The following PLEKHG5 variants were observed in gnomAD, a reference collection of about 807,000 sequenced individuals.
The protein encoded by PLEKHG5 is pleckstrin homology and RhoGEF domain containing G5.
In PLEKHG5, 52 loss-of-function variants were observed where a neutral mutation model predicts 103.8. That is an observed-to-expected ratio of 0.50 (90% CI 0.40 to 0.63). The LOEUF is 0.63. PLEKHG5 is among the 30% of genes least tolerant of loss of function. The probability of loss-of-function intolerance (pLI) is 0.00; values close to 1 mark genes in which losing one functional copy is unlikely to be tolerated. For synonymous variants in PLEKHG5, 592 were observed against 575.5 expected, an observed-to-expected ratio of 1.03 and a Z score of -0.41; for missense variants, 1,205 against 1,347.6, an observed-to-expected ratio of 0.89 and a Z score of 1.66.
chr1:6,471,668 G>GC (rs773924380), intron 11 of PLEKHG5, 31 bp from the exon 12 acceptor site: 1 of 1,567,934 alleles, frequency 6.4e-7, no homozygotes, highest in African/African-American at 1.4e-5. Flanking sequence ...GGTTGGCCAC[G>GC]CCCCTCCGCC....
chr1:6,508,808 A>G (rs1319295895), intron 1 of PLEKHG5, among the ~76,000 whole-genome samples: 8 of 152,296 alleles, frequency 5.3e-5, no homozygotes, highest in South Asian at 4.2e-4. Flanking sequence ...TTCATCCCCA[A>G]TAGCAGGTGC....
intron 16 of PLEKHG5, among the ~76,000 whole-genome samples, chr1:6,469,973 G>T (rs1437814728): frequency 6.6e-6 from 1 of 152,200 alleles, no homozygotes; most frequent in Non-Finnish European, 1.5e-5. Context: ...AGGCTCTGGG[G>T]TTCCTGGCCC....
exon 1 of PLEKHG5, chr1:6,520,005 A>G (rs1638728725): frequency 4.6e-6 from 1 of 215,066 alleles, no homozygotes; most frequent in Non-Finnish European, 9.4e-6. Context: ...GGAAGGCCTT[A>G]GTTTGGTGGC....
At position 6,511,796 on chromosome 1, in the gene PLEKHG5, A is replaced by G. The variant is rs550990667; in HGVS notation, c.-165+7649T>C. ...CCAGAGAGGCTGCCCCCAGCACTGC[A>G]GAGAGTGAGTGTGTGACTGCCACTA... On this transcript the variant is annotated intron_variant, in intron 1 of 21. Transcript: ENST00000377740. Among the ~76,000 whole-genome samples the G allele has an allele frequency of 7.7e-4, 118 of 152,324 alleles. 1 individual carries two copies. Among genetic ancestry groups the G allele is most frequent in the African/African-American group, 2.8e-3 (117 of 41,586 alleles).
chr1:6,499,325 G>T (rs1197018044), upstream of PLEKHG5, among the ~76,000 whole-genome samples: 1 of 152,174 alleles, frequency 6.6e-6, no homozygotes, highest in African/African-American at 2.4e-5. Flanking sequence ...TGCCACTTGG[G>T]TTCTGGAATT....
At position 6,469,396 on chromosome 1, in the gene PLEKHG5, G is replaced by A. The variant is rs397515456; in HGVS notation, c.1988C>T (p.Thr663Met). 9.9e-6 allele frequency: 16 copies of A among 1,614,036 alleles called. No individual in the cohort carries two copies. In the East Asian group the frequency reaches 2.7e-4, roughly 27 times the overall value. ...NEFHSAVGAY[T>M]FQASGQALCR... ...CAAGGCCTGGCCACTGGCCTGGAACGTGTAGGCCCCTACAGCACTGTGAAA... is the reference window on the plus strand; with the variant it reads ...CAAGGCCTGGCCACTGGCCTGGAACATGTAGGCCCCTACAGCACTGTGAAA... The change falls in exon 18 of 21, where the codon ACG (threonine) becomes ATG (methionine). Residue 663 changes from threonine to methionine, a missense_variant. Physicochemically the swap from Thr to Met is moderately conservative, Grantham distance 81. Transcript: ENST00000377728.
intron 20 of PLEKHG5, 38 bp downstream of exon 20, chr1:6,467,787 C>A (rs1339068977): frequency 1.2e-6 from 2 of 1,609,962 alleles, no homozygotes; most frequent in Non-Finnish European, 1.7e-6. Flanking sequence ...ATGCCAGTGC[C>A]CTGAGCCACC....
intron 1 of PLEKHG5, among the ~76,000 whole-genome samples, chr1:6,507,381 G>A (rs1054888823): frequency 6.6e-6 from 1 of 152,164 alleles, no homozygotes; most frequent in Non-Finnish European, 1.5e-5. Flanking sequence ...GTGATCAGAG[G>A]GCCATGGGGC....
At chr1:6,474,342 G>C (rs1011924941) in intron 6 of PLEKHG5, 109 bp downstream of exon 6, 1 of 1,409,188 alleles carries the variant, frequency 7.1e-7, no homozygotes, top group Non-Finnish European at 9.8e-7. Context: ...GTATGGTAAT[G>C]AGGCTGCTCA....
At position 6,469,693 on chromosome 1, in the gene PLEKHG5, G is replaced by C. The variant is rs373357833; in HGVS notation, c.1801-17C>G. On this transcript the variant is annotated splice_polypyrimidine_tract_variant and intron_variant, in intron 16 of 20. Coordinates refer to ENST00000377728, the MANE Select transcript of PLEKHG5 (RefSeq NM_020631.6). ...CACATCCATCTGCAGTGGCAGGAGGGGGGGTGGCCAGAGAGGCCAGCAGGG... is the reference window on the plus strand; with the variant it reads ...CACATCCATCTGCAGTGGCAGGAGGCGGGGTGGCCAGAGAGGCCAGCAGGG... The C allele has an allele frequency of 1.9e-6, 3 of 1,610,386 alleles. No homozygotes were observed. Among genetic ancestry groups the C allele is most frequent in the East Asian group, 2.2e-5 (1 of 44,858 alleles).
chr1:6,473,511 C>T (rs1380981088), intron 7 of PLEKHG5, 57 bp from the exon 8 acceptor site: 7 of 1,409,170 alleles, frequency 5.0e-6, no homozygotes, highest in African/African-American at 1.4e-5. Flanking sequence ...ATGGCCCCAC[C>T]CCAGGGCGGG....
In PLEKHG5 at chr1:6,468,327, C is replaced by T; in HGVS notation, c.2509G>A (p.Ala837Thr). 6.2e-7 allele frequency: 1 copy of T among 1,609,646 alleles called. No individual in the cohort carries two copies. Among genetic ancestry groups the T allele is most frequent in the Non-Finnish European group, 8.5e-7 (1 of 1,178,536 alleles). ...LQDFVAPGPM[A>T]ELVPRAPESP... ...TCTGGGGCCCGAGGCACTAGCTCTG[C>T]CATTGGGCCTGGGGCCACAAAGTCT... The change falls in exon 20 of 21, where the codon GCA becomes ACA. Residue 837 changes from alanine (A) to threonine (T), a missense_variant. Coordinates refer to ENST00000377728, the MANE Select transcript of PLEKHG5 (RefSeq NM_020631.6).
At chr1:6,518,389 C>T (rs549051044) in intron 1 of PLEKHG5, among the ~76,000 whole-genome samples, 3 of 151,094 alleles carry the variant, frequency 2.0e-5, no homozygotes, top group East Asian at 4.0e-4. Context: ...GGAGAAACCC[C>T]GTCTCTACTA....
intron 1 of PLEKHG5, among the ~76,000 whole-genome samples, chr1:6,514,727 C>T (rs1638568543): frequency 6.6e-6 from 1 of 151,376 alleles, no homozygotes; most frequent in Non-Finnish European, 1.5e-5. Context: ...TGCCACTGCA[C>T]TCCAGCCTGG....
chr1:6,471,752 G>A lies in PLEKHG5; in HGVS notation c.1131+6C>T, dbSNP rs1382218982. ...CACCCGCCGCCGCCCCCGAATCCCA[G>A]CGCACCTCACACAGCAGCCCTGACT... On this transcript the variant is annotated splice_donor_region_variant and intron_variant, in intron 11 of 20. Transcript: ENST00000377728. The A allele has an allele frequency of 6.2e-7, 1 of 1,609,090 alleles. No homozygotes were observed. Among genetic ancestry groups the A allele is most frequent in the Non-Finnish European group, 8.5e-7 (1 of 1,178,112 alleles).
chr1:6,499,913 C>T (rs993441042), upstream of PLEKHG5, among the ~76,000 whole-genome samples: 16 of 152,186 alleles, frequency 1.1e-4, no homozygotes, highest in African/African-American at 3.6e-4. Flanking sequence ...GATCTTCCCA[C>T]GTCAGCCTAC....
At chr1:6,510,675 CG>C (rs1295636950) in intron 1 of PLEKHG5, among the ~76,000 whole-genome samples, 1 of 152,176 alleles carries the variant, frequency 6.6e-6, no homozygotes, top group African/African-American at 2.4e-5. Context: ...ACCCTGGGGG[CG>C]GGGGCCAGGT....
At chr1:6,480,967 C>T (rs1644882616) in intron 1 of PLEKHG5, among the ~76,000 whole-genome samples, 1 of 152,114 alleles carries the variant, frequency 6.6e-6, no homozygotes, top group African/African-American at 2.4e-5. Context: ...TCACTCTTGA[C>T]ATTCTCTGTT....
At chr1:6,495,816 C>T (rs918956218), upstream of PLEKHG5, among the ~76,000 whole-genome samples, 12 of 152,346 alleles carry the variant, frequency 7.9e-5, no homozygotes, top group Admixed American at 3.9e-4. Context: ...ATCTGGAAAA[C>T]GGGGTGACGA....
Sources: allele counts gnomAD v4.1 joint callset (sites outside exome capture counted in the v4.1 genomes callset), GRCh38; gene constraint gnomAD v4.1.1; transcripts MANE v1.5; gene names NCBI Gene and HGNC (gene_info 2026-07-23, HGNC 2026-07-21).